Variants in DPH6 observed in about 807,000 individuals in gnomAD.
The protein encoded by DPH6 is diphthamine biosynthesis 6.
DPH6 carries 33 observed loss-of-function variants against 38.2 expected under a neutral mutation model. The observed-to-expected ratio is 0.86, with a 90% confidence interval of 0.65 to 1.15. The LOEUF is 1.15. DPH6 is among the 50% of genes most tolerant of loss of function. The probability of loss-of-function intolerance (pLI) is 0.00; values close to 1 mark genes in which losing one functional copy is unlikely to be tolerated. For synonymous variants in DPH6, 108 were observed against 103.0 expected (o/e 1.05, Z -0.30); for missense variants, 325 against 320.0 (o/e 1.02, Z -0.12).
intron 3 of DPH6, among the ~76,000 whole-genome samples, chr15:35,285,920 C>A (rs1465592764): frequency 4.6e-5 from 5 of 108,414 alleles, no homozygotes; most frequent in Non-Finnish European, 7.0e-5. Context: ...TATAAAGAAT[C>A]CTAAAGAAAT....
At chr15:35,245,518 G>A (rs1247991102) in intron 3 of DPH6, among the ~76,000 whole-genome samples, 7 of 152,122 alleles carry the variant, frequency 4.6e-5, no homozygotes, top group African/African-American at 7.2e-5. Context: ...GATTACAGGC[G>A]TGAGCCACCA....
At chr15:35,243,785 T>C (rs1382275106) in intron 3 of DPH6, among the ~76,000 whole-genome samples, 1 of 152,134 alleles carries the variant, frequency 6.6e-6, no homozygotes, top group South Asian at 2.1e-4. Context: ...TAAACAGCCA[T>C]GTTGCTCACA....
At chr15:35,503,299 A>G (rs530580407) in intron 3 of DPH6, among the ~76,000 whole-genome samples, 7 of 152,074 alleles carry the variant, frequency 4.6e-5, no homozygotes, top group Non-Finnish European at 7.4e-5. Flanking sequence ...AATTTAACTG[A>G]AGTTAAATTT....
chr15:35,395,389 G>C (rs1885207190), intron 6 of DPH6, among the ~76,000 whole-genome samples: 1 of 152,036 alleles, frequency 6.6e-6, no homozygotes, highest in Non-Finnish European at 1.5e-5. Flanking sequence ...ATTTCTTTCA[G>C]TAATATAAAT....
chr15:35,540,339 C>T (rs2055234270), intron 2 of DPH6, among the ~76,000 whole-genome samples: 1 of 152,210 alleles, frequency 6.6e-6, no homozygotes, highest in South Asian at 2.1e-4. Flanking sequence ...GACAAGTTCG[C>T]ATTATCCTCA....
chr15:35,427,907 C>A lies in DPH6; in HGVS notation c.506-17011G>T, dbSNP rs987597070. Among the ~76,000 whole-genome samples the A allele has an allele frequency of 2.0e-5, 3 of 151,788 alleles. No homozygotes were observed. In the East Asian group the frequency reaches 5.8e-4, roughly 29 times the overall value. On this transcript the variant is annotated intron_variant, in intron 5 of 8. Transcript: ENST00000256538. ...ACAATGGGGTTACCTCTTCCAGAAG[C>A]ATAGATCACCTTCAAATTAAAAAAA...
intron 3 of DPH6, among the ~76,000 whole-genome samples, chr15:35,355,156 G>A (rs1460064710): frequency 2.0e-5 from 3 of 151,728 alleles, no homozygotes; most frequent in Non-Finnish European, 4.4e-5. Flanking sequence ...TCCTCCATCC[G>A]TTTACTTTGA....
At position 35,257,778 on chromosome 15, in the gene DPH6, G is replaced by GTGTT. The variant is rs1019744105; in HGVS notation, n.201-37197_201-37196insAACA. The stretch of plus-strand genomic sequence containing the variant: ...TATTTTCTTGGTCTCAGCTTTGTGT[G>GTGTT]TGTGTGTGTGTGTGTGTGCATTTTC... On this transcript the variant is annotated intron_variant and non_coding_transcript_variant, in intron 3 of 3. Transcript: ENST00000560386. 1.1e-4 allele frequency among the ~76,000 whole-genome samples: 16 copies of GTGTT among 151,750 alleles called. No homozygotes were observed. In the East Asian group the frequency reaches 3.1e-3, roughly 29 times the overall value.
chr15:35,309,283 A>G (rs574319128), intron 3 of DPH6, among the ~76,000 whole-genome samples: 35 of 152,360 alleles, frequency 2.3e-4, no homozygotes, highest in South Asian at 8.3e-4. Flanking sequence ...AAAGAAAATG[A>G]TATCAGGAAA....
At chr15:35,514,947 G>A (rs2054824804) in intron 3 of DPH6, among the ~76,000 whole-genome samples, 1 of 151,984 alleles carries the variant, frequency 6.6e-6, no homozygotes, top group African/African-American at 2.4e-5. Context: ...TAGGGAATGT[G>A]GAATATTTTT....
chr15:35,401,719 A>G (rs766178445), intron 6 of DPH6: 32 of 726,288 alleles, frequency 4.4e-5, no homozygotes, highest in Middle Eastern at 7.5e-4. Flanking sequence ...CAAGGTGGCT[A>G]TGGTGGTTCC....
intron 3 of DPH6, among the ~76,000 whole-genome samples, chr15:35,455,974 AT>A (rs1566916568): frequency 6.6e-6 from 1 of 152,248 alleles, no homozygotes; most frequent in Non-Finnish European, 1.5e-5. Context: ...ATAAACAAAA[AT>A]GCAAAAAAGG....
intron 3 of DPH6, among the ~76,000 whole-genome samples, chr15:35,524,568 T>C (rs142833052): frequency 1.9e-3 from 288 of 152,294 alleles, no homozygotes; most frequent in African/African-American, 6.5e-3. Flanking sequence ...CAGCAGAACA[T>C]AGTGATTAAA....
chr15:35,186,030 G>T, the DPH6 span, among the ~76,000 whole-genome samples: 1 of 152,000 alleles, frequency 6.6e-6, no homozygotes, highest in African/African-American at 2.4e-5. Flanking sequence ...CACTGCGCCC[G>T]GCCCCCAGTC....
At chr15:35,436,504 C>CAAAAAAAAAAAAAAAAAAA (rs371533654) in intron 5 of DPH6, among the ~76,000 whole-genome samples, 2 of 108,168 alleles carry the variant, frequency 1.8e-5, no homozygotes, top group East Asian at 2.9e-4. Flanking sequence ...CAAAACAAAA[C>CAAAAAAAAAAAAAAAAAAA]AAAACAAAAC....
chr15:35,366,138 T>C (rs1413361120), downstream of DPH6, among the ~76,000 whole-genome samples: 1 of 151,874 alleles, frequency 6.6e-6, no homozygotes, highest in Non-Finnish European at 1.5e-5. Context: ...ATGGGATCCT[T>C]GAGTTTATAC....
rs143276045 is a variant in DPH6, at chr15:35,251,343, G to A, written n.201-30761C>T. On this transcript the variant is annotated intron_variant and non_coding_transcript_variant, in intron 3 of 3. Coordinates refer to the DPH6 transcript ENST00000560386. ...CAGAAATGTCTCTTAATATATGCCCGCTCCATTCCCAATGCCACTGCCTCA... is the reference window on the plus strand; with the variant it reads ...CAGAAATGTCTCTTAATATATGCCCACTCCATTCCCAATGCCACTGCCTCA... 2.4e-4 allele frequency among the ~76,000 whole-genome samples: 36 copies of A among 152,112 alleles called. 1 individual carries two copies. The highest frequency in any genetic ancestry group is 8.2e-4 in the African/African-American group (34 of 41,492).
At chr15:35,259,507 C>A (rs1392552409) in intron 3 of DPH6, among the ~76,000 whole-genome samples, 1 of 152,188 alleles carries the variant, frequency 6.6e-6, no homozygotes, top group South Asian at 2.1e-4. Flanking sequence ...TTATAAAGCA[C>A]AGCTTCACAG....
the DPH6 span, among the ~76,000 whole-genome samples, chr15:35,183,456 C>T: frequency 6.6e-6 from 1 of 152,182 alleles, no homozygotes; most frequent in African/African-American, 2.4e-5. Context: ...TAAAAGGACC[C>T]TGCAGAGCTA....
Sources: gnomAD v4.1 joint callset for allele counts (sites outside exome capture counted in the v4.1 genomes callset) on GRCh38, gnomAD v4.1.1 for gene constraint, MANE v1.5 for transcripts, NCBI Gene and HGNC (gene_info 2026-07-23, HGNC 2026-07-21) for gene names.